MEGF11: variants seen among roughly 807,000 people sequenced by gnomAD.
MEGF11 encodes the protein multiple epidermal growth factor-like domains protein 11.
In MEGF11, 126 loss-of-function variants were observed where a neutral mutation model predicts 146.6. That is an observed-to-expected ratio of 0.86 (90% CI 0.74 to 1.00). The LOEUF is 1.00. Among genes scored for constraint, MEGF11 ranks in the 50% least tolerant of loss-of-function variants. The pLI, the probability that MEGF11 is intolerant of heterozygous loss-of-function variation, is 0.00. For synonymous variants in MEGF11, 532 were observed against 583.4 expected, an observed-to-expected ratio of 0.91 and a Z score of 1.27; for missense variants, 1,509 against 1,521.2, an observed-to-expected ratio of 0.99 and a Z score of 0.13.
chr15:66,147,042 G>C (rs137981299), intron 1 of MEGF11, among the ~76,000 whole-genome samples: 56 of 152,260 alleles, frequency 3.7e-4, no homozygotes, highest in African/African-American at 1.3e-3. Context: ...GGGGATAAAC[G>C]GTAGCCCAAT....
chr15:66,160,704 C>CACACAA (rs2089922984), intron 1 of MEGF11, among the ~76,000 whole-genome samples: 1 of 147,358 alleles, frequency 6.8e-6, no homozygotes, highest in African/African-American at 2.6e-5. Flanking sequence ...CACACACACA[C>CACACAA]ACCCTTGCCC....
chr15:66,177,358 A>T (rs1411693919), intron 1 of MEGF11, among the ~76,000 whole-genome samples: 6 of 152,240 alleles, frequency 3.9e-5, no homozygotes, highest in African/African-American at 1.2e-4. Context: ...TATAATGTAT[A>T]GACAATAATT....
chr15:66,042,522 G>A (rs538346465), intron 5 of MEGF11, among the ~76,000 whole-genome samples: 9 of 152,046 alleles, frequency 5.9e-5, no homozygotes, highest in Admixed American at 5.9e-4. Context: ...TCAGAGCACT[G>A]GGGGGGAACA....
At chr15:66,092,779 G>C (rs1488738301) in intron 5 of MEGF11, among the ~76,000 whole-genome samples, 1 of 152,094 alleles carries the variant, frequency 6.6e-6, no homozygotes, top group Non-Finnish European at 1.5e-5. Context: ...TCAGGGCCCC[G>C]GGGGACCCAG....
intron 1 of MEGF11, among the ~76,000 whole-genome samples, chr15:66,195,662 G>T (rs2090990672): frequency 6.6e-6 from 1 of 152,198 alleles, no homozygotes; most frequent in Non-Finnish European, 1.5e-5. Context: ...AATGAGACGG[G>T]GAAGCATTTA....
intron 1 of MEGF11, among the ~76,000 whole-genome samples, chr15:66,155,511 A>G (rs947654338): frequency 1.3e-5 from 2 of 152,164 alleles, no homozygotes; most frequent in South Asian, 2.1e-4. Context: ...AATAGCTTCT[A>G]TTATACAGGG....
In MEGF11 at chr15:66,046,085, A is replaced by G. The variant is rs565609985; in HGVS notation, c.394+48317T>C. 1.2e-4 allele frequency among the ~76,000 whole-genome samples: 19 copies of G among 152,306 alleles called. 1 individual carries two copies. The South Asian group carries it at 3.7e-3, about 30-fold the overall frequency. ...ACCACTGCATTCCAGCCTGGGCAAC[A>G]GAGTGAGACTCTGTCTCAAAAAAAG... is the stretch of plus-strand genomic sequence containing the variant. On this transcript the variant is annotated intron_variant, in intron 5 of 25. Transcript: ENST00000395614.
In MEGF11 at chr15:65,938,925, CTG is replaced by C. The variant is rs2079882645; in HGVS notation, c.1288-7984_1288-7983del. Among the ~76,000 whole-genome samples, 4 of 152,316 alleles carry C rather than the reference CTG, an allele frequency of 2.6e-5. No individual in the cohort carries two copies. The South Asian group carries it at 8.3e-4, about 32-fold the overall frequency. On this transcript the variant is annotated intron_variant, in intron 10 of 25. Coordinates refer to ENST00000395614, the MANE Select transcript of MEGF11 (RefSeq NM_001385028.1). ...CAATATGCTGCTTTGTAGTTTGGCC[CTG>C]TTTGGGAAAATTAATCAACAGCTGA... is the stretch of plus-strand genomic sequence containing the variant.
At chr15:66,203,711 G>C (rs910995323) in intron 1 of MEGF11, among the ~76,000 whole-genome samples, 1 of 152,106 alleles carries the variant, frequency 6.6e-6, no homozygotes, top group Non-Finnish European at 1.5e-5. Context: ...AACCAACCCA[G>C]GTTAAACAAG....
intron 25 of MEGF11, chr15:65,898,419 A>C: frequency 1.0e-6 from 1 of 985,368 alleles, no homozygotes; most frequent in Non-Finnish European, 1.2e-6. Context: ...TTCTTTTTTA[A>C]AATGAGATTT....
intron 1 of MEGF11, among the ~76,000 whole-genome samples, chr15:66,177,228 C>T (rs1283050339): frequency 1.3e-5 from 2 of 152,166 alleles, no homozygotes; most frequent in Non-Finnish European, 1.5e-5. Context: ...AATAACTTTG[C>T]TCTGATAGCG....
intron 12 of MEGF11, 98 bp downstream of exon 12, chr15:65,929,622 G>A (rs1361288136): frequency 9.4e-6 from 13 of 1,379,518 alleles, no homozygotes; most frequent in Non-Finnish European, 1.3e-5. Context: ...ACCTAGCTTA[G>A]TGCTGTTCTC....
At chr15:65,970,885 T>C in intron 7 of MEGF11, 196 bp from the exon 8 acceptor site, 1 of 611,808 alleles carries the variant, frequency 1.6e-6, no homozygotes. Context: ...CATCCAGTTA[T>C]TCAGCACAAT....
intron 19 of MEGF11, chr15:65,914,190 ACTGT>A: frequency 1.8e-6 from 1 of 570,516 alleles, no homozygotes; most frequent in East Asian, 2.8e-5. Context: ...AGCAATTGTG[ACTGT>A]CGATGTGAAA....
At chr15:66,065,838 G>A (rs1160342397) in intron 5 of MEGF11, among the ~76,000 whole-genome samples, 4 of 152,168 alleles carry the variant, frequency 2.6e-5, no homozygotes, top group African/African-American at 2.4e-5. Flanking sequence ...CCGGCGAAGT[G>A]GGGGAGCAGT....
intron 10 of MEGF11, among the ~76,000 whole-genome samples, chr15:65,956,151 G>A (rs997066113): frequency 7.2e-5 from 11 of 152,150 alleles, no homozygotes; most frequent in East Asian, 1.9e-4. Context: ...TGGGGCCCAG[G>A]CATTGATGTT....
chr15:65,912,486 G>A (rs368972262), intron 20 of MEGF11: 6 of 243,890 alleles, frequency 2.5e-5, no homozygotes, highest in African/African-American at 1.1e-4. Context: ...GGGCATGTTT[G>A]CTTTGATAGC....
chr15:66,027,550 TG>T (rs1329075475), intron 5 of MEGF11, among the ~76,000 whole-genome samples: 1 of 152,210 alleles, frequency 6.6e-6, no homozygotes, highest in Non-Finnish European at 1.5e-5. Context: ...TCTGCCCCAC[TG>T]CAGGTCCACT....
intron 4 of MEGF11, among the ~76,000 whole-genome samples, chr15:66,105,290 GAGGAGGAAGAGAGAGACAGAAAAGGGAGA>G (rs1040176547): frequency 6.6e-6 from 1 of 152,228 alleles, no homozygotes; most frequent in African/African-American, 2.4e-5. Flanking sequence ...AAAGCAAGAG[GAGGAGGAAGAGAGAGACAGAAAAGGGAGA>G]AGGAGGCCCT....
Sources: gnomAD v4.1 joint callset for allele counts (sites outside exome capture counted in the v4.1 genomes callset) on GRCh38, gnomAD v4.1.1 for gene constraint, MANE v1.5 for transcripts, NCBI Gene and HGNC (gene_info 2026-07-23, HGNC 2026-07-21) for gene names.